The following ALG9 variants were observed in gnomAD, a reference collection of about 807,000 sequenced individuals.
ALG9 encodes the protein ALG9 alpha-1,2-mannosyltransferase, also known as alpha-1,2-mannosyltransferase ALG9.
Under a neutral mutation model 81.8 loss-of-function variants are expected in ALG9, and 55 were observed. That is an observed-to-expected ratio of 0.67 (90% CI 0.54 to 0.84). The LOEUF (loss-of-function observed/expected upper bound fraction) is 0.84. Among genes scored for constraint, ALG9 ranks in the 40% least tolerant of loss-of-function variants. ALG9 has a pLI of 0.00. For missense variants in ALG9, 629 were observed against 745.0 expected (o/e 0.84, Z 1.81); for synonymous variants, 278 against 274.3 (o/e 1.01, Z -0.13).
intron 6 of ALG9, among the ~76,000 whole-genome samples, chr11:111,854,659 C>T (rs1447873335): frequency 6.6e-6 from 1 of 152,190 alleles, no homozygotes; most frequent in East Asian, 1.9e-4. Flanking sequence ...TGATTTGAAC[C>T]TCCATGTTGT....
chr11:111,844,477 A>G, intron 9 of ALG9, 124 bp downstream of exon 9: 1 of 1,430,496 alleles, frequency 7.0e-7, no homozygotes, highest in Middle Eastern at 1.8e-4. Flanking sequence ...AAAATTCAGT[A>G]AGCCAACCAT....
At chr11:111,799,287 C>T (rs1479074272) in intron 14 of ALG9, among the ~76,000 whole-genome samples, 3 of 152,134 alleles carry the variant, frequency 2.0e-5, no homozygotes, top group Admixed American at 2.0e-4. Context: ...GCTGGGACTA[C>T]AGGCATGCAC....
intron 9 of ALG9, among the ~76,000 whole-genome samples, chr11:111,841,125 G>A (rs1286758168): frequency 2.6e-5 from 4 of 152,076 alleles, no homozygotes; most frequent in East Asian, 1.9e-4. Flanking sequence ...AAAATAAGCC[G>A]TCTCCTTTAA....
chr11:111,824,068 T>C (rs1480398375), intron 13 of ALG9, among the ~76,000 whole-genome samples: 2 of 152,224 alleles, frequency 1.3e-5, no homozygotes, highest in Admixed American at 1.3e-4. Context: ...AACTACTTTA[T>C]ACAAAAATGC....
At chr11:111,772,297 C>A in the ALG9 span, among the ~76,000 whole-genome samples, 1 of 151,806 alleles carries the variant, frequency 6.6e-6, no homozygotes. Flanking sequence ...ACAGAGGTGC[C>A]TGACTGTAGT....
At chr11:111,849,050 T>G (rs1342122762) in intron 8 of ALG9, among the ~76,000 whole-genome samples, 1 of 152,050 alleles carries the variant, frequency 6.6e-6, no homozygotes. Context: ...TCTTTCTTTC[T>G]TTCTTTCTTT....
intron 14 of ALG9, among the ~76,000 whole-genome samples, chr11:111,800,397 C>CT (rs1555079452): frequency 6.6e-6 from 1 of 152,132 alleles, no homozygotes; most frequent in Admixed American, 6.6e-5. Context: ...AGGAGAATCA[C>CT]TTGAACCCAG....
downstream of ALG9, among the ~76,000 whole-genome samples, chr11:111,781,971 G>C (rs1945973184): frequency 6.6e-6 from 1 of 152,178 alleles, no homozygotes; most frequent in Non-Finnish European, 1.5e-5. Flanking sequence ...ACTGTGCGTG[G>C]TTTTAACATA....
chr11:111,852,029 A>C (rs781947274), intron 8 of ALG9, among the ~76,000 whole-genome samples: 7 of 152,232 alleles, frequency 4.6e-5, no homozygotes, highest in Non-Finnish European at 7.3e-5. Flanking sequence ...AAATTCCAGA[A>C]GACTCAAGTA....
At chr11:111,860,679 T>C (rs782577985) in intron 4 of ALG9, 44 bp from the exon 5 acceptor site, 26 of 1,460,734 alleles carry the variant, frequency 1.8e-5, no homozygotes, top group East Asian at 6.9e-5. Flanking sequence ...ATATTAGGAA[T>C]AGACATTTCA....
chr11:111,834,001 T>C (rs538332365), intron 13 of ALG9, among the ~76,000 whole-genome samples: 3 of 152,304 alleles, frequency 2.0e-5, no homozygotes, highest in Admixed American at 2.0e-4. Context: ...AGAAAGCATG[T>C]AAAAGTGAAC....
chr11:111,773,514 G>C, the ALG9 span, among the ~76,000 whole-genome samples: 1 of 152,000 alleles, frequency 6.6e-6, no homozygotes, highest in African/African-American at 2.4e-5. Flanking sequence ...CAAAGTGCTG[G>C]GATTATGGGC....
intron 13 of ALG9, among the ~76,000 whole-genome samples, chr11:111,813,290 A>G (rs1255147088): frequency 6.6e-6 from 1 of 152,228 alleles, no homozygotes; most frequent in African/African-American, 2.4e-5. Flanking sequence ...ATTAAAGTTT[A>G]GAATACCTTT....
chr11:111,832,208 T>C (rs1954486976), intron 13 of ALG9, among the ~76,000 whole-genome samples: 1 of 152,246 alleles, frequency 6.6e-6, no homozygotes, highest in South Asian at 2.1e-4. Flanking sequence ...CAGCCACATT[T>C]ATTGTAGTAT....
At position 111,836,108 on chromosome 11, in the gene ALG9, C is replaced by T. The variant is rs1225773691; in HGVS notation, c.1602+57G>A. 9 of 1,610,002 alleles carry T rather than the reference C, an allele frequency of 5.6e-6. No homozygotes were observed. In the South Asian group the frequency reaches 8.8e-5, roughly 16 times the overall value. On this transcript the variant is annotated intron_variant, in intron 13 of 14. Transcript: ENST00000616540. ...ATCAATGCTCTAATATACACACCAACAGACTTTTAGGCATAGAATTCTTTT... is the reference window on the plus strand; with the variant it reads ...ATCAATGCTCTAATATACACACCAATAGACTTTTAGGCATAGAATTCTTTT...
At chr11:111,852,214 G>T (rs1957938452) in intron 8 of ALG9, among the ~76,000 whole-genome samples, 1 of 152,142 alleles carries the variant, frequency 6.6e-6, no homozygotes, top group Admixed American at 6.5e-5. Context: ...CCCTTATACA[G>T]AATGTTCCAA....
chr11:111,837,701 T>C (rs1340926122), intron 11 of ALG9, 86 bp from the exon 12 acceptor site: 23 of 1,465,222 alleles, frequency 1.6e-5, no homozygotes, highest in Non-Finnish European at 2.2e-5. Context: ...TGTCGCACTG[T>C]AAGCCACAGG....
chr11:111,840,737 T>C lies in ALG9; in HGVS notation c.1091A>G (p.Gln364Arg), dbSNP rs1956094478. ...MYIWFIIFFI[Q>R]PHKEERFLFP... ...AAGAAATCTCTCCTCTTTGTGAGGCTGGATGAAGAAAATTATAAACCAAAT... is the reference window on the plus strand; with the variant it reads ...AAGAAATCTCTCCTCTTTGTGAGGCCGGATGAAGAAAATTATAAACCAAAT... The change falls in exon 10 of 15, where the codon CAG becomes CGG. Residue 364 changes from glutamine to arginine, a missense_variant. Transcript: ENST00000616540. 2.5e-6 allele frequency: 4 copies of C among 1,613,784 alleles called. No individual in the cohort carries two copies. The highest frequency in any genetic ancestry group is 1.7e-6 in the Non-Finnish European group (2 of 1,179,956).
chr11:111,805,405 A>G, intron 14 of ALG9: 1 of 445,456 alleles, frequency 2.2e-6, no homozygotes, highest in Non-Finnish European at 4.5e-6. Flanking sequence ...CAAAACTTGG[A>G]AGCAACCAAA....
Sources: gnomAD v4.1 joint callset for allele counts (sites outside exome capture counted in the v4.1 genomes callset) on GRCh38, gnomAD v4.1.1 for gene constraint, MANE v1.5 for transcripts, NCBI Gene and HGNC (gene_info 2026-07-23, HGNC 2026-07-21) for gene names.